Variants in CPLX2 observed in about 807,000 individuals in gnomAD.
CPLX2 encodes complexin 2, also known as complexin-2.
CPLX2 carries 5 observed loss-of-function variants against 16.3 expected under a neutral mutation model. That is an observed-to-expected ratio of 0.31 (90% CI 0.16 to 0.64). The LOEUF (loss-of-function observed/expected upper bound fraction) is 0.64. CPLX2 is among the 30% of genes least tolerant of loss of function. The pLI, the probability that CPLX2 is intolerant of heterozygous loss-of-function variation, is 0.79. For missense variants in CPLX2, 144 were observed against 181.4 expected (o/e 0.79, Z 1.18); for synonymous variants, 89 against 73.2 (o/e 1.22, Z -1.10).
upstream of CPLX2, among the ~76,000 whole-genome samples, chr5:175,870,057 TG>T (rs1384307947): frequency 6.6e-6 from 1 of 152,178 alleles, no homozygotes; most frequent in Non-Finnish European, 1.5e-5. Context: ...CAGGCATTAG[TG>T]GAAAGTCTAA....
intron 1 of CPLX2, among the ~76,000 whole-genome samples, chr5:175,806,493 A>G (rs375964025): frequency 6.6e-6 from 1 of 151,860 alleles, no homozygotes; most frequent in African/African-American, 2.4e-5. Context: ...TCGGCTGTGA[A>G]CTTTTTTTGT....
chr5:175,845,646 G>A lies in CPLX2; in HGVS notation c.-88-33006G>A, dbSNP rs569678704. On this transcript the variant is annotated intron_variant, in intron 2 of 4. Coordinates refer to the CPLX2 transcript ENST00000359546. The surrounding 1 kb of genome is among the most constrained non-coding windows in gnomAD (Gnocchi z 4.0). ...AGTATCTTTGCTCCTACTGGACTGT[G>A]AGTCTCTTAAGGGCGGGGACTCATT... is the stretch of plus-strand genomic sequence containing the variant. Among the ~76,000 whole-genome samples, 114 of 152,302 alleles carry A rather than the reference G, an allele frequency of 7.5e-4. No homozygotes were observed. Among genetic ancestry groups the A allele is most frequent in the Admixed American group, 1.6e-3 (24 of 15,294 alleles).
At chr5:175,859,547 T>A (rs1194547737) in intron 2 of CPLX2, among the ~76,000 whole-genome samples, 1 of 152,160 alleles carries the variant, frequency 6.6e-6, no homozygotes, top group Admixed American at 6.5e-5. Flanking sequence ...GTTGACAAAC[T>A]AGATGCAGAC....
At chr5:175,797,394 A>AG (rs74609520) in intron 1 of CPLX2, among the ~76,000 whole-genome samples, 152,164 of 152,168 alleles carry the variant, frequency 1, 76,080 homozygotes, top group Non-Finnish European at 1. Flanking sequence ...AGTGGGCAAG[A>AG]GGTAGAGGGG....
chr5:175,849,996 G>A lies in CPLX2; in HGVS notation c.-88-28656G>A, dbSNP rs532138362. Among the ~76,000 whole-genome samples the A allele has an allele frequency of 6.6e-6, 1 of 152,344 alleles. No individual in the cohort carries two copies. The highest frequency in any genetic ancestry group is 2.1e-4 in the South Asian group (1 of 4,828). On this transcript the variant is annotated intron_variant, in intron 2 of 4. Coordinates refer to the CPLX2 transcript ENST00000359546. This position sits in a 1 kb window ranked among gnomAD's most constrained non-coding sequence, Gnocchi z 4.4. ...ATCAGGGGCTCCCTGTGCTCCAAAGGAGCCACATACACAGAAGTCATCCTT... is the reference window on the plus strand; with the variant it reads ...ATCAGGGGCTCCCTGTGCTCCAAAGAAGCCACATACACAGAAGTCATCCTT...
intron 2 of CPLX2, among the ~76,000 whole-genome samples, chr5:175,832,620 A>T: frequency 6.6e-6 from 1 of 152,214 alleles, no homozygotes; most frequent in Non-Finnish European, 1.5e-5. Flanking sequence ...TGTCTGCCAA[A>T]GAAAGTAGAA....
intron 1 of CPLX2, among the ~76,000 whole-genome samples, chr5:175,873,933 G>A: frequency 6.6e-6 from 1 of 152,222 alleles, no homozygotes; most frequent in Non-Finnish European, 1.5e-5. Context: ...GGAATAGCAT[G>A]CACAAATGCC....
At chr5:175,796,877 G>C (rs568731545) in intron 1 of CPLX2, 2 of 152,388 alleles carry the variant, frequency 1.3e-5, no homozygotes, top group South Asian at 2.1e-4. Context: ...CCCCGCGCTC[G>C]AGAGCTTCCT....
At chr5:175,799,539 CATATAT>C (rs70988299) in intron 1 of CPLX2, among the ~76,000 whole-genome samples, 5,838 of 72,090 alleles carry the variant, frequency 0.081, 192 homozygotes, top group East Asian at 0.11. Flanking sequence ...TTGCAAATTT[CATATAT>C]ATATATATAT....
intron 2 of CPLX2, among the ~76,000 whole-genome samples, chr5:175,836,153 A>G (rs1218468607): frequency 1.3e-5 from 2 of 152,108 alleles, no homozygotes; most frequent in Non-Finnish European, 1.5e-5. Context: ...GATCGAAACC[A>G]TCCTGGCTAA....
chr5:175,856,059 A>T (rs1395540513), intron 2 of CPLX2, among the ~76,000 whole-genome samples: 1 of 152,180 alleles, frequency 6.6e-6, no homozygotes, highest in African/African-American at 2.4e-5. Context: ...CTGGTTCCAG[A>T]AGGACAGATA....
chr5:175,850,927 G>A (rs1759138154), intron 2 of CPLX2, among the ~76,000 whole-genome samples: 1 of 150,994 alleles, frequency 6.6e-6, no homozygotes, highest in South Asian at 2.1e-4. Context: ...GGGCTGGGAA[G>A]GCCTGAGGAA....
At chr5:175,864,488 T>C (rs575498118) in intron 2 of CPLX2, among the ~76,000 whole-genome samples, 2 of 152,344 alleles carry the variant, frequency 1.3e-5, no homozygotes, top group African/African-American at 2.4e-5. Flanking sequence ...TGTATGGTCA[T>C]TGACTGTTTG....
chr5:175,837,258 G>C (rs1043937293), intron 2 of CPLX2, among the ~76,000 whole-genome samples: 2 of 152,146 alleles, frequency 1.3e-5, no homozygotes, highest in South Asian at 4.1e-4. Flanking sequence ...GCAACCCCAC[G>C]GGGCGTCTCT....
chr5:175,858,513 G>A (rs1759303162), intron 2 of CPLX2, among the ~76,000 whole-genome samples: 1 of 152,240 alleles, frequency 6.6e-6, no homozygotes, highest in Admixed American at 6.5e-5. Context: ...ATGCCACAAG[G>A]ATGGCTCAGC....
chr5:175,843,857 G>C (rs1758993757), intron 2 of CPLX2, among the ~76,000 whole-genome samples: 1 of 152,222 alleles, frequency 6.6e-6, no homozygotes, highest in African/African-American at 2.4e-5. Flanking sequence ...CAGGTGGCTG[G>C]GCAAGCCAGC....
chr5:175,804,961 T>C (rs1758169572), intron 1 of CPLX2, among the ~76,000 whole-genome samples: 1 of 152,176 alleles, frequency 6.6e-6, no homozygotes, highest in Admixed American at 6.5e-5. Context: ...TACTTAACTG[T>C]ATGAGCCCTC....
At chr5:175,862,424 G>A (rs964077448) in intron 2 of CPLX2, among the ~76,000 whole-genome samples, 61 of 152,194 alleles carry the variant, frequency 4.0e-4, no homozygotes, top group Admixed American at 1.3e-4. Flanking sequence ...TCAAAGCAAA[G>A]GTTTGCCAAG....
chr5:175,880,297 C>G lies in CPLX2; in HGVS notation c.*252C>G, dbSNP rs772329231. On this transcript the variant is annotated 3_prime_UTR_variant, in exon 4 of 4. Transcript: ENST00000393745. ...CTTTCCCCAGCAGGGGTCAGGGGGG[C>G]CCCTCAGGAAGCCTAAGGTCGTGCT... The G allele has an allele frequency of 5.8e-5, 32 of 555,424 alleles. No individual in the cohort carries two copies. Among genetic ancestry groups the G allele is most frequent in the East Asian group, 2.1e-4 (6 of 28,572 alleles). 34.4% of individuals were successfully genotyped at this position (555,424 alleles called of 1,614,324 possible). A position where few individuals can be genotyped will look rare whatever the true frequency, so the allele number is the denominator to read the frequency against.
Sources: gnomAD v4.1 joint callset for allele counts (sites outside exome capture counted in the v4.1 genomes callset) on GRCh38, gnomAD v4.1.1 for gene constraint, Gnocchi (gnomAD v3.1) non-coding constraint, MANE v1.5 for transcripts, NCBI Gene and HGNC (gene_info 2026-07-23, HGNC 2026-07-21) for gene names.